Variants in KLHL6 observed in about 807,000 individuals in gnomAD.
The protein encoded by KLHL6 is kelch like family member 6, also known as kelch-like protein 6.
KLHL6 carries 41 observed loss-of-function variants against 58.6 expected under a neutral mutation model. The ratio of observed to expected loss-of-function variants is 0.70; its 90% confidence interval spans 0.55 to 0.91. The LOEUF is 0.91. KLHL6 is among the 40% of genes least tolerant of loss of function. The pLI is 0.00. For missense variants in KLHL6, 714 were observed against 805.6 expected, an observed-to-expected ratio of 0.89 and a Z score of 1.38; for synonymous variants, 338 against 322.7, an observed-to-expected ratio of 1.05 and a Z score of -0.51.
In KLHL6 at chr3:183,541,870, A is replaced by G. The variant is rs1468694514; in HGVS notation, c.293+13491T>C. On this transcript the variant is annotated intron_variant, in intron 1 of 6. Transcript: ENST00000341319. ...TTTATGAGCTTTGCTCTAAAACGGG[A>G]TAGCCTGGGCAGGAGAAGGGTTGAT... 2.6e-5 allele frequency among the ~76,000 whole-genome samples: 4 copies of G among 152,178 alleles called. No homozygotes were observed. In the East Asian group the frequency reaches 7.7e-4, roughly 29 times the overall value.
chr3:183,533,497 T>G (rs1400258784), intron 1 of KLHL6, among the ~76,000 whole-genome samples: 1 of 151,682 alleles, frequency 6.6e-6, no homozygotes, highest in Non-Finnish European at 1.5e-5. Flanking sequence ...TGGTGAACTC[T>G]GGGGCTCAAG....
intron 4 of KLHL6, among the ~76,000 whole-genome samples, chr3:183,496,334 A>AT (rs11405617): frequency 0.2 from 30,074 of 152,148 alleles, 3,268 homozygotes; most frequent in Middle Eastern, 0.27. Flanking sequence ...TAAATGACTA[A>AT]TAATAAAAAT....
At chr3:183,543,441 A>ACC (rs1244973781) in intron 1 of KLHL6, among the ~76,000 whole-genome samples, 10 of 152,152 alleles carry the variant, frequency 6.6e-5, no homozygotes, top group African/African-American at 2.4e-4. Context: ...TTCCAGGCCC[A>ACC]CCTGCTAATG....
chr3:183,547,719 C>T (rs1352975349), intron 1 of KLHL6, among the ~76,000 whole-genome samples: 2 of 152,108 alleles, frequency 1.3e-5, no homozygotes, highest in East Asian at 1.9e-4. Flanking sequence ...TTTTTTCAGG[C>T]ACTTTGCTGG....
Position 183,492,352 on chromosome 3 carries a change from G to T in KLHL6, c.1565-124C>A, listed in dbSNP as rs1717585848. 3 of 1,300,960 alleles carry T rather than the reference G, an allele frequency of 2.3e-6. No homozygotes were observed. The highest frequency in any genetic ancestry group is 2.5e-5 in the East Asian group (1 of 39,722). The allele number at this position is 1,300,960 out of a possible 1,614,324, so 80.6% of individuals were successfully genotyped here. On this transcript the variant is annotated intron_variant, in intron 6 of 6. Transcript: ENST00000341319. This position sits in a 1 kb window ranked among gnomAD's most constrained non-coding sequence, Gnocchi z 5.9. Reference sequence around the variant, plus strand: ...CTCTTGCCAAGAGAAACAGTCGATTGATGGCTCTCCTGAAAGCCAGAGTGG... The same window carrying T: ...CTCTTGCCAAGAGAAACAGTCGATTTATGGCTCTCCTGAAAGCCAGAGTGG...
rs2108704765 is a variant in KLHL6 at position 183,555,497 on chromosome 3, C to T, written c.157G>A (p.Gly53Arg). ...CCATTCTGAAGAATTAAGGAGAGTC[C>T]CGCGTCGTCAAATTTGACCTTTTCC... ...NGEKVKFDDA[G>R]LSLILQNGLE... Residue 53 changes from glycine (G) to arginine (R), a missense_variant, in exon 1 of 7, where the codon GGA becomes AGA. By Grantham distance (125) the Gly-to-Arg change is moderately radical (BLOSUM62 -2). Transcript: ENST00000341319. 6.2e-7 allele frequency: 1 copy of T among 1,614,126 alleles called. No homozygotes were observed. Among genetic ancestry groups the T allele is most frequent in the Non-Finnish European group, 8.5e-7 (1 of 1,180,020 alleles).
At chr3:183,538,255 G>A (rs1026326820) in intron 1 of KLHL6, among the ~76,000 whole-genome samples, 3 of 152,012 alleles carry the variant, frequency 2.0e-5, no homozygotes, top group Non-Finnish European at 2.9e-5. Context: ...CACCCAGCCC[G>A]ACTCCATTAT....
intron 1 of KLHL6, among the ~76,000 whole-genome samples, chr3:183,533,921 TC>T (rs560344256): frequency 0.01 from 1,545 of 151,568 alleles, 15 homozygotes; most frequent in Non-Finnish European, 0.016. Flanking sequence ...GAAGGTGAAT[TC>T]CGGGGCCTCT....
At chr3:183,547,939 C>T (rs1417466957) in intron 1 of KLHL6, among the ~76,000 whole-genome samples, 1 of 152,132 alleles carries the variant, frequency 6.6e-6, no homozygotes, top group Non-Finnish European at 1.5e-5. Context: ...GTGTAGGCTA[C>T]ATAAGCTGAA....
intron 1 of KLHL6, among the ~76,000 whole-genome samples, chr3:183,532,246 G>C (rs905623360): frequency 6.6e-6 from 1 of 152,196 alleles, no homozygotes; most frequent in African/African-American, 2.4e-5. Context: ...CTCACGCACC[G>C]AGGAAAGGCC....
chr3:183,550,947 T>C (rs1712891664), intron 1 of KLHL6, among the ~76,000 whole-genome samples: 1 of 151,808 alleles, frequency 6.6e-6, no homozygotes, highest in South Asian at 2.1e-4. Flanking sequence ...GGTGAAATCC[T>C]GTCTGTACTA....
chr3:183,536,938 A>T lies in KLHL6; in HGVS notation c.294-8928T>A, dbSNP rs116695507. ...CAGCTCAGTTCGTGGGAGAGAAAGAAAGTGCCCTCAAGACAGTGTCCTTCT... is the reference window on the plus strand; with the variant it reads ...CAGCTCAGTTCGTGGGAGAGAAAGATAGTGCCCTCAAGACAGTGTCCTTCT... On this transcript the variant is annotated intron_variant, in intron 1 of 6. Transcript: ENST00000341319. 7.9e-3 allele frequency among the ~76,000 whole-genome samples: 1,206 copies of T among 152,270 alleles called. 10 individuals are homozygous for T. Among genetic ancestry groups the T allele is most frequent in the African/African-American group, 0.027 (1,114 of 41,538 alleles).
chr3:183,550,435 ACACG>A (rs1560113190), intron 1 of KLHL6, among the ~76,000 whole-genome samples: 1 of 152,090 alleles, frequency 6.6e-6, no homozygotes, highest in Non-Finnish European at 1.5e-5. Flanking sequence ...ACACACACAC[ACACG>A]CACGCACACA....
chr3:183,493,919 T>C, intron 5 of KLHL6, 160 bp downstream of exon 5: 4 of 687,710 alleles, frequency 5.8e-6, no homozygotes, highest in South Asian at 1.8e-5. Context: ...ACTGAAGCAA[T>C]AGCTCCTAGG....
At chr3:183,546,720 G>C (rs1157219019) in intron 1 of KLHL6, among the ~76,000 whole-genome samples, 1 of 152,094 alleles carries the variant, frequency 6.6e-6, no homozygotes, top group Admixed American at 6.5e-5. Context: ...AAAGTGTTGG[G>C]GCAAATAAAT....
At chr3:183,502,868 A>T (rs1298887479) in intron 3 of KLHL6, among the ~76,000 whole-genome samples, 1 of 152,202 alleles carries the variant, frequency 6.6e-6, no homozygotes, top group Non-Finnish European at 1.5e-5. Flanking sequence ...GTAATTTGTT[A>T]TGCAGCAATT....
In KLHL6 at chr3:183,542,737, C is replaced by G. The variant is rs972126252; in HGVS notation, c.293+12624G>C. On this transcript the variant is annotated intron_variant, in intron 1 of 6. Transcript: ENST00000341319. Reference sequence around the variant, plus strand: ...AGTAAACATCAATTTACTTATCTCTCTGTCCTAACTAGATGATGATTTCCA... The same window carrying G: ...AGTAAACATCAATTTACTTATCTCTGTGTCCTAACTAGATGATGATTTCCA... 2.6e-5 allele frequency among the ~76,000 whole-genome samples: 4 copies of G among 152,196 alleles called. 1 individual carries two copies. The highest frequency in any genetic ancestry group is 5.9e-5 in the Non-Finnish European group (4 of 68,030).
chr3:183,497,752 C>T (rs1363559996), intron 4 of KLHL6, among the ~76,000 whole-genome samples: 4 of 152,216 alleles, frequency 2.6e-5, no homozygotes, highest in African/African-American at 7.2e-5. Flanking sequence ...GTGGAGCAGA[C>T]TGTCCTGCCC....
chr3:183,519,836 C>CA (rs1159301323), intron 2 of KLHL6, among the ~76,000 whole-genome samples: 1 of 142,340 alleles, frequency 7.0e-6, no homozygotes, highest in African/African-American at 2.6e-5. Flanking sequence ...TTCAAGGCTG[C>CA]AGTGAGCTAT....
Sources: allele counts gnomAD v4.1 joint callset (sites outside exome capture counted in the v4.1 genomes callset), GRCh38; gene constraint gnomAD v4.1.1; non-coding constraint Gnocchi (gnomAD v3.1); transcripts MANE v1.5; gene names NCBI Gene and HGNC (gene_info 2026-07-23, HGNC 2026-07-21).